CEP128: variants seen among roughly 807,000 people sequenced by gnomAD.
CEP128 encodes the protein centrosomal protein 128, also known as centrosomal protein 128kDa.
CEP128 carries 132 observed loss-of-function variants against 156.7 expected under a neutral mutation model. The ratio of observed to expected loss-of-function variants is 0.84; its 90% CI spans 0.73 to 0.97. The LOEUF is 0.97. CEP128 is among the 50% of genes least tolerant of loss of function. The pLI is 0.00. For missense variants in CEP128, 1,252 were observed against 1,281.9 expected, an observed-to-expected ratio of 0.98 and a Z score of 0.36; for synonymous variants, 469 against 448.9, an observed-to-expected ratio of 1.04 and a Z score of -0.57.
rs546223751 is a variant in CEP128, at chr14:80,834,898, G to A, written c.1057+1307C>T. Among the ~76,000 whole-genome samples the A allele has an allele frequency of 2.0e-5, 3 of 152,220 alleles. No homozygotes were observed. In the Middle Eastern group the frequency reaches 0.01, roughly 518 times the overall value. On this transcript the variant is annotated intron_variant, in intron 12 of 24. Coordinates refer to ENST00000555265, the MANE Select transcript of CEP128 (RefSeq NM_152446.5). ...GCTAAGGCTTGGATATAGTTTATTT[G>A]TCCTCACCAAATCTCATGGTGACAT...
chr14:80,548,500 A>G (rs1168864530), intron 21 of CEP128, among the ~76,000 whole-genome samples: 1 of 152,200 alleles, frequency 6.6e-6, no homozygotes, highest in African/African-American at 2.4e-5. Context: ...CAAATATACT[A>G]TCATTACTCT....
At chr14:80,647,886 T>C (rs569845323) in intron 19 of CEP128, among the ~76,000 whole-genome samples, 1 of 152,204 alleles carries the variant, frequency 6.6e-6, no homozygotes, top group East Asian at 1.9e-4. Flanking sequence ...GGGGGAGATA[T>C]TATGCCTGAT....
At chr14:80,720,858 C>T (rs72690964) in intron 19 of CEP128, among the ~76,000 whole-genome samples, 3,460 of 152,264 alleles carry the variant, frequency 0.023, 43 homozygotes, top group Non-Finnish European at 0.037. Context: ...AAAATCTGAA[C>T]TACGAATTTA....
chr14:80,519,230 T>C (rs1350502754), intron 23 of CEP128, among the ~76,000 whole-genome samples: 1 of 152,202 alleles, frequency 6.6e-6, no homozygotes, highest in Non-Finnish European at 1.5e-5. Flanking sequence ...TGAAGGGACT[T>C]GCATTTTCTA....
chr14:80,937,257 G>T (rs1329776579), intron 2 of CEP128, among the ~76,000 whole-genome samples: 4 of 152,186 alleles, frequency 2.6e-5, no homozygotes, highest in Non-Finnish European at 5.9e-5. Context: ...GGAGGTAGAG[G>T]CTACAGTGAG....
intron 2 of CEP128, among the ~76,000 whole-genome samples, chr14:80,953,815 T>C (rs1886524686): frequency 6.6e-6 from 1 of 152,242 alleles, no homozygotes. Flanking sequence ...CTGATCTTTT[T>C]CCTGTCCCTA....
chr14:80,816,503 T>C (rs1389814915), intron 13 of CEP128, among the ~76,000 whole-genome samples: 1 of 152,110 alleles, frequency 6.6e-6, no homozygotes, highest in Non-Finnish European at 1.5e-5. Flanking sequence ...AGAGGCAAGC[T>C]GAGATGATCA....
intron 21 of CEP128, among the ~76,000 whole-genome samples, chr14:80,538,451 C>A (rs1889584884): frequency 6.6e-6 from 1 of 152,058 alleles, no homozygotes; most frequent in Admixed American, 6.6e-5. Flanking sequence ...AACACTTTTC[C>A]CCACAATGCT....
intron 22 of CEP128, among the ~76,000 whole-genome samples, chr14:80,530,098 C>T (rs1010618905): frequency 3.9e-5 from 6 of 152,100 alleles, no homozygotes; most frequent in African/African-American, 1.4e-4. Context: ...AAAAGAAATC[C>T]TTCCCATTGT....
chr14:80,786,006 GATACA>G (rs1205158512), intron 14 of CEP128, among the ~76,000 whole-genome samples: 1 of 152,082 alleles, frequency 6.6e-6, no homozygotes, highest in Non-Finnish European at 1.5e-5. Flanking sequence ...GAAGCATGCA[GATACA>G]ATACAAGAAA....
At position 80,526,899 on chromosome 14, in the gene CEP128, A is replaced by G; in HGVS notation, c.3042T>C (p.Asp1014=). 1 of 1,610,056 alleles carries G rather than the reference A, an allele frequency of 6.2e-7. No homozygotes were observed. Among genetic ancestry groups the G allele is most frequent in the Non-Finnish European group, 8.5e-7 (1 of 1,177,008 alleles). The stretch of plus-strand genomic sequence containing the variant: ...AACTTTTGGTTCTGTACTTGGTGTC[A>G]TCTTGGTGATGCTGAAGAGAATTTC... ...VRRNSLQHHQ[D]DTKYRTKSFK... is the part of the protein sequence containing the mutation. The change falls in exon 23 of 25, where the codon GAT becomes GAC. Residue 1014 remains aspartate (D), a synonymous_variant. Transcript: ENST00000555265.
At chr14:80,851,527 G>C (rs1485661347) in intron 9 of CEP128, among the ~76,000 whole-genome samples, 1 of 151,592 alleles carries the variant, frequency 6.6e-6, no homozygotes, top group African/African-American at 2.4e-5. Context: ...TAAAATCTTA[G>C]AACAGCTATC....
chr14:80,553,676 A>G (rs190104930), intron 21 of CEP128, among the ~76,000 whole-genome samples: 1 of 152,056 alleles, frequency 6.6e-6, no homozygotes, highest in Admixed American at 6.5e-5. Context: ...TCTCTTATGT[A>G]CTTTGAATTT....
At chr14:80,686,400 C>G (rs1896525221) in intron 19 of CEP128, among the ~76,000 whole-genome samples, 1 of 152,044 alleles carries the variant, frequency 6.6e-6, no homozygotes, top group Admixed American at 6.6e-5. Context: ...CACCACTGGC[C>G]TGCCTTGCAA....
At position 80,647,126 on chromosome 14, in the gene CEP128, T is replaced by TACACACACAC. The variant is rs1303390846; in HGVS notation, c.2807-66713_2807-66704dup. On this transcript the variant is annotated intron_variant, in intron 19 of 24. Coordinates refer to ENST00000555265, the MANE Select transcript of CEP128 (RefSeq NM_152446.5). ...ACACATACACACACACACACACACA[T>TACACACACAC]ACACACACACACACACACACACTGC... Among the ~76,000 whole-genome samples, 55 of 88,084 alleles carry TACACACACAC rather than the reference T, an allele frequency of 6.2e-4. 2 individuals carry two copies. The highest frequency in any genetic ancestry group is 1.7e-3 in the African/African-American group (45 of 26,910). 57.8% of individuals were successfully genotyped at this position (88,084 alleles called of 152,430 possible). A position where few individuals can be genotyped will look rare whatever the true frequency, so the allele number is the denominator to read the frequency against.
At chr14:80,751,772 G>T (rs1321993344) in intron 18 of CEP128, among the ~76,000 whole-genome samples, 1 of 151,964 alleles carries the variant, frequency 6.6e-6, no homozygotes, top group Non-Finnish European at 1.5e-5. Context: ...TGGGATTACA[G>T]GCTCCCGCTA....
In CEP128 at chr14:80,622,726, C is replaced by T. The variant is rs568074320; in HGVS notation, c.2807-42303G>A. On this transcript the variant is annotated intron_variant, in intron 19 of 24. Transcript: ENST00000555265. Reference sequence around the variant, plus strand: ...TGAAAAAATGCTCACCATCACTGGCCATCAGAGAAATGCAAATCAAAACCA... The same window carrying T: ...TGAAAAAATGCTCACCATCACTGGCTATCAGAGAAATGCAAATCAAAACCA... Among the ~76,000 whole-genome samples, 5 of 150,792 alleles carry T rather than the reference C, an allele frequency of 3.3e-5. No individual in the cohort carries two copies. The East Asian group carries it at 9.8e-4, about 30-fold the overall frequency.
At chr14:80,906,184 C>T in intron 4 of CEP128, 103 bp from the exon 5 acceptor site, 1 of 874,682 alleles carries the variant, frequency 1.1e-6, no homozygotes. Flanking sequence ...TATCTGGGTT[C>T]CCCCCAAAAA....
intron 19 of CEP128, among the ~76,000 whole-genome samples, chr14:80,654,153 C>A (rs937119877): frequency 6.6e-6 from 1 of 152,010 alleles, no homozygotes; most frequent in African/African-American, 2.4e-5. Context: ...CTCGTGAATC[C>A]CTGCTGGGTG....
Sources: gnomAD v4.1 joint callset for allele counts (sites outside exome capture counted in the v4.1 genomes callset) on GRCh38, gnomAD v4.1.1 for gene constraint, MANE v1.5 for transcripts, NCBI Gene and HGNC (gene_info 2026-07-23, HGNC 2026-07-21) for gene names.